Variants in REDIC1 observed in about 807,000 individuals in gnomAD.
REDIC1 encodes the protein regulator of DNA class I crossover intermediates 1.
At chr12:39,862,797 C>A in the REDIC1 span, among the ~76,000 whole-genome samples, 2 of 152,092 alleles carry the variant, frequency 1.3e-5, no homozygotes, top group African/African-American at 4.8e-5. Context: ...GTGTAATGAT[C>A]AAATCAGGGT....
At chr12:39,830,841 T>C in the REDIC1 span, among the ~76,000 whole-genome samples, 1 of 152,196 alleles carries the variant, frequency 6.6e-6, no homozygotes, top group African/African-American at 2.4e-5. Context: ...TGGATTATTC[T>C]GAATTTAAAA....
At chr12:39,754,951 G>A in the REDIC1 span, 1 of 152,014 alleles carries the variant, frequency 6.6e-6, no homozygotes, top group Non-Finnish European at 1.5e-5. Context: ...TGTCTTTCTA[G>A]ATGCTTTAAC....
chr12:39,644,547 A>T, the REDIC1 span, among the ~76,000 whole-genome samples: 2 of 151,876 alleles, frequency 1.3e-5, no homozygotes, highest in African/African-American at 2.4e-5. Flanking sequence ...AAGACAATTT[A>T]TCAGGAAGGG....
the REDIC1 span, among the ~76,000 whole-genome samples, chr12:39,778,024 G>A: frequency 6.6e-6 from 1 of 152,174 alleles, no homozygotes; most frequent in East Asian, 1.9e-4. Context: ...GGCTTCAGCT[G>A]TAAACATTCA....
the REDIC1 span, among the ~76,000 whole-genome samples, chr12:39,679,708 A>C: frequency 6.6e-6 from 1 of 152,204 alleles, no homozygotes; most frequent in Admixed American, 6.5e-5. Context: ...AAAAGAACAA[A>C]TCTGGAGGCA....
chr12:39,754,806 G>C, the REDIC1 span, among the ~76,000 whole-genome samples: 2 of 151,852 alleles, frequency 1.3e-5, no homozygotes, highest in Non-Finnish European at 2.9e-5. Context: ...TTTATATTCA[G>C]TATTTAGAAT....
the REDIC1 span, among the ~76,000 whole-genome samples, chr12:39,634,758 T>C: frequency 6.6e-6 from 1 of 152,030 alleles, no homozygotes; most frequent in Non-Finnish European, 1.5e-5. Flanking sequence ...CCAAAAGCAA[T>C]GGCAACAAAA....
chr12:39,679,101 C>T, the REDIC1 span, among the ~76,000 whole-genome samples: 7 of 152,080 alleles, frequency 4.6e-5, no homozygotes. Flanking sequence ...CTAGCCAGAA[C>T]AGTCAGACAA....
chr12:39,670,278 C>T, the REDIC1 span, among the ~76,000 whole-genome samples: 3 of 152,334 alleles, frequency 2.0e-5, no homozygotes, highest in Middle Eastern at 3.4e-3. Context: ...GCAACCTCTG[C>T]CTCCTGGGAG....
the REDIC1 span, among the ~76,000 whole-genome samples, chr12:39,827,402 T>C: frequency 6.6e-6 from 1 of 152,196 alleles, no homozygotes; most frequent in Non-Finnish European, 1.5e-5. Context: ...TTTCAGAACC[T>C]GGATAGTGCT....
At chr12:39,839,026 A>T in the REDIC1 span, among the ~76,000 whole-genome samples, 4 of 152,018 alleles carry the variant, frequency 2.6e-5, no homozygotes, top group Admixed American at 6.6e-5. Context: ...AATTGTGCTC[A>T]CTCACTCCTT....
chr12:39,725,660 G>T, the REDIC1 span, among the ~76,000 whole-genome samples: 1 of 151,808 alleles, frequency 6.6e-6, no homozygotes, highest in Admixed American at 6.6e-5. Context: ...AATGCTTTCT[G>T]TGTCATGCAC....
the REDIC1 span, among the ~76,000 whole-genome samples, chr12:39,805,718 G>T: frequency 6.6e-6 from 1 of 152,208 alleles, no homozygotes; most frequent in South Asian, 2.1e-4. Flanking sequence ...AGTGAAGGGA[G>T]TTGGAGGAGG....
chr12:39,896,284 ATGTATATGTGTGTATATATG>A, the REDIC1 span, among the ~76,000 whole-genome samples: 19 of 129,194 alleles, frequency 1.5e-4, no homozygotes, highest in African/African-American at 4.8e-4. Context: ...GTATACATGT[ATGTATATGTGTGTATATATG>A]TATACATATA....
the REDIC1 span, among the ~76,000 whole-genome samples, chr12:39,841,774 T>C: frequency 6.6e-6 from 1 of 152,064 alleles, no homozygotes; most frequent in Admixed American, 6.6e-5. Context: ...GGTGACAATA[T>C]ACATTATTCA....
the REDIC1 span, among the ~76,000 whole-genome samples, chr12:39,676,451 G>T: frequency 2.0e-5 from 3 of 152,126 alleles, no homozygotes; most frequent in African/African-American, 7.2e-5. Context: ...AAGAAATTTG[G>T]GATTATGTTA....
the REDIC1 span, among the ~76,000 whole-genome samples, chr12:39,831,916 T>C: frequency 6.6e-6 from 1 of 152,158 alleles, no homozygotes; most frequent in Non-Finnish European, 1.5e-5. Flanking sequence ...TAATCCTCTT[T>C]TCTTTATAAA....
At chr12:39,686,072 A>G in the REDIC1 span, among the ~76,000 whole-genome samples, 120,671 of 152,208 alleles carry the variant, frequency 0.79, 48,569 homozygotes, top group Non-Finnish European at 0.87. Context: ...TGCTTTCATG[A>G]GCTGGGGCTG....
At chr12:39,661,014 T>G in the REDIC1 span, among the ~76,000 whole-genome samples, 4 of 152,168 alleles carry the variant, frequency 2.6e-5, no homozygotes, top group African/African-American at 9.7e-5. Flanking sequence ...TGGATAGTAT[T>G]CTGTTTTGTA....
Sources: allele counts gnomAD v4.1 joint callset (sites outside exome capture counted in the v4.1 genomes callset), GRCh38; gene constraint gnomAD v4.1.1; transcripts MANE v1.5; gene names NCBI Gene and HGNC (gene_info 2026-07-23, HGNC 2026-07-21).